The following GPR137C variants were observed in gnomAD, a reference collection of about 807,000 sequenced individuals.
GPR137C encodes G protein-coupled receptor 137C.
A neutral mutation model predicts 43.4 loss-of-function variants in GPR137C; 27 were observed. That is an observed-to-expected ratio of 0.62 (90% CI 0.46 to 0.86). The LOEUF is 0.86. GPR137C is among the 40% of genes least tolerant of loss of function. The pLI, the probability that GPR137C is intolerant of heterozygous loss-of-function variation, is 0.00. For synonymous variants in GPR137C, 285 were observed against 226.9 expected, an observed-to-expected ratio of 1.26 and a Z score of -2.30; for missense variants, 522 against 534.6, an observed-to-expected ratio of 0.98 and a Z score of 0.23.
chr14:52,634,651 A>G (rs1218702369), intron 6 of GPR137C, among the ~76,000 whole-genome samples: 1 of 152,124 alleles, frequency 6.6e-6, no homozygotes, highest in Non-Finnish European at 1.5e-5. Flanking sequence ...CTTAGAATAG[A>G]GCTGAGTACA....
At chr14:52,594,885 C>T (rs918215691) in intron 1 of GPR137C, among the ~76,000 whole-genome samples, 2 of 152,054 alleles carry the variant, frequency 1.3e-5, no homozygotes, top group African/African-American at 4.8e-5. Flanking sequence ...TTATTTTGCC[C>T]GTTAATTGAT....
chr14:52,566,047 G>A (rs979049476), intron 1 of GPR137C, among the ~76,000 whole-genome samples: 1 of 152,120 alleles, frequency 6.6e-6, no homozygotes, highest in Non-Finnish European at 1.5e-5. Flanking sequence ...ACCTAGTTCT[G>A]TGATCTAATA....
Position 52,560,375 on chromosome 14 carries a change from A to G in GPR137C, c.444+6784A>G, listed in dbSNP as rs565672861. 2.0e-5 allele frequency among the ~76,000 whole-genome samples: 3 copies of G among 152,250 alleles called. No individual in the cohort carries two copies. The South Asian group carries it at 6.2e-4, about 32-fold the overall frequency. On this transcript the variant is annotated intron_variant, in intron 1 of 6. Coordinates refer to ENST00000321662, the MANE Select transcript of GPR137C (RefSeq NM_001099652.2). ...TAAATTCAATGCAATTCCTATTAAA[A>G]TTTTTGCAGGATATTTTGGTAGCTG... is the stretch of plus-strand genomic sequence containing the variant.
intron 1 of GPR137C, among the ~76,000 whole-genome samples, chr14:52,581,941 G>A (rs1043769002): frequency 3.3e-5 from 5 of 152,164 alleles, no homozygotes; most frequent in African/African-American, 1.2e-4. Context: ...TATCTTCAAA[G>A]CAACATGGTC....
In GPR137C at chr14:52,554,548, C is replaced by A. The variant is rs1202024379; in HGVS notation, c.444+957C>A. 2.0e-5 allele frequency among the ~76,000 whole-genome samples: 3 copies of A among 151,970 alleles called. No individual in the cohort carries two copies. The East Asian group carries it at 5.8e-4, about 29-fold the overall frequency. Reference sequence around the variant, plus strand: ...GCCATAATATTTTAAGACTTTCCCCCAAAAAAGTCCTCCTTCCCACCAAAA... The same window carrying A: ...GCCATAATATTTTAAGACTTTCCCCAAAAAAAGTCCTCCTTCCCACCAAAA... On this transcript the variant is annotated intron_variant, in intron 1 of 6. Coordinates refer to ENST00000321662, the MANE Select transcript of GPR137C (RefSeq NM_001099652.2).
At chr14:52,554,377 C>G (rs745429320) in intron 1 of GPR137C, among the ~76,000 whole-genome samples, 27 of 152,212 alleles carry the variant, frequency 1.8e-4, no homozygotes, top group Non-Finnish European at 3.7e-4. Context: ...TGCTTAATAT[C>G]TGGAACCTAA....
At chr14:52,570,974 C>A (rs540720716) in intron 1 of GPR137C, among the ~76,000 whole-genome samples, 26 of 152,290 alleles carry the variant, frequency 1.7e-4, no homozygotes, top group African/African-American at 6.0e-4. Context: ...GAACTCAGTT[C>A]TGAACCAAGC....
chr14:52,591,812 A>G (rs1164751071), intron 1 of GPR137C, among the ~76,000 whole-genome samples: 1 of 152,164 alleles, frequency 6.6e-6, no homozygotes, highest in East Asian at 1.9e-4. Context: ...TTTGGTATGC[A>G]GAAGCTCTTT....
chr14:52,634,611 GCATACATA>G (rs367645018), intron 6 of GPR137C, among the ~76,000 whole-genome samples: 1 of 151,920 alleles, frequency 6.6e-6, no homozygotes, highest in African/African-American at 2.4e-5. Context: ...ATGTGTGTCT[GCATACATA>G]CATACATACA....
At chr14:52,572,466 T>C (rs914572099) in intron 1 of GPR137C, among the ~76,000 whole-genome samples, 1 of 152,122 alleles carries the variant, frequency 6.6e-6, no homozygotes, top group Admixed American at 6.6e-5. Context: ...TAAACATAAT[T>C]CATCACATAA....
chr14:52,558,987 T>C (rs2038237612), intron 1 of GPR137C, among the ~76,000 whole-genome samples: 1 of 152,034 alleles, frequency 6.6e-6, no homozygotes, highest in South Asian at 2.1e-4. Context: ...AAAGGGAAAA[T>C]AAGAGTTTAC....
At chr14:52,582,088 T>A (rs1029150072) in intron 1 of GPR137C, among the ~76,000 whole-genome samples, 7 of 152,204 alleles carry the variant, frequency 4.6e-5, no homozygotes, top group Non-Finnish European at 7.3e-5. Context: ...TTTCTCACCA[T>A]TCTGGAGGCT....
intron 3 of GPR137C, chr14:52,612,435 CAA>C (rs1173887721): frequency 3.1e-6 from 3 of 982,246 alleles, no homozygotes; most frequent in Non-Finnish European, 3.6e-6. Context: ...TAATTTTCTT[CAA>C]AATCAGTTTT....
chr14:52,602,714 T>A (rs2038940813), intron 3 of GPR137C, among the ~76,000 whole-genome samples: 3 of 152,166 alleles, frequency 2.0e-5, no homozygotes, highest in Non-Finnish European at 4.4e-5. Flanking sequence ...AAATAAAATT[T>A]AGAAATAACT....
At chr14:52,569,515 T>C (rs1406996050) in intron 1 of GPR137C, among the ~76,000 whole-genome samples, 1 of 151,976 alleles carries the variant, frequency 6.6e-6, no homozygotes. Flanking sequence ...GAGCATGTTC[T>C]AACCCAATGC....
At chr14:52,576,580 A>C (rs920880799) in intron 1 of GPR137C, among the ~76,000 whole-genome samples, 1 of 152,222 alleles carries the variant, frequency 6.6e-6, no homozygotes, top group Non-Finnish European at 1.5e-5. Context: ...GATAGAGAGC[A>C]ACGTAATAAT....
chr14:52,554,137 A>C (rs1480861752), intron 1 of GPR137C, among the ~76,000 whole-genome samples: 1 of 152,144 alleles, frequency 6.6e-6, no homozygotes, highest in Non-Finnish European at 1.5e-5. Context: ...CCTCACATAA[A>C]TTTCGTTCGA....
chr14:52,568,896 C>T (rs568988366), intron 1 of GPR137C, among the ~76,000 whole-genome samples: 12 of 152,350 alleles, frequency 7.9e-5, no homozygotes, highest in African/African-American at 1.7e-4. Context: ...TACTGCCTGC[C>T]GGCTCTTAAG....
chr14:52,633,810 C>A lies in GPR137C; in HGVS notation c.994-18C>A. 6.4e-7 allele frequency: 1 copy of A among 1,568,654 alleles called. No homozygotes were observed. Among genetic ancestry groups the A allele is most frequent in the Non-Finnish European group, 8.8e-7 (1 of 1,139,304 alleles). ...GAAAAGTAAAACCTTCATATGCTAT[C>A]TAATACTTTGTTCACAGGCACCTGC... is the stretch of plus-strand genomic sequence containing the variant. On this transcript the variant is annotated intron_variant, in intron 5 of 6. Coordinates refer to ENST00000321662, the MANE Select transcript of GPR137C (RefSeq NM_001099652.2).
Sources: allele counts gnomAD v4.1 joint callset (sites outside exome capture counted in the v4.1 genomes callset), GRCh38; gene constraint gnomAD v4.1.1; transcripts MANE v1.5; gene names NCBI Gene and HGNC (gene_info 2026-07-23, HGNC 2026-07-21).